Variants in MPP7 observed in about 807,000 individuals in gnomAD.
The protein encoded by MPP7 is MAGUK p55 scaffold protein 7, also known as MAGUK p55 subfamily member 7.
Under a neutral mutation model 76.5 loss-of-function variants are expected in MPP7, and 60 were observed. The ratio of observed to expected loss-of-function variants is 0.78; its 90% CI spans 0.64 to 0.97. MPP7 has a LOEUF of 0.97. MPP7 is among the 50% of genes least tolerant of loss of function. MPP7 has a pLI of 0.00. For missense variants in MPP7, 641 were observed against 694.0 expected (o/e 0.92, Z 0.86); for synonymous variants, 237 against 244.5 (o/e 0.97, Z 0.29).
chr10:28,199,181 C>A (rs559678516), intron 3 of MPP7, among the ~76,000 whole-genome samples: 23 of 152,184 alleles, frequency 1.5e-4, no homozygotes, highest in African/African-American at 5.5e-4. Flanking sequence ...AACCACCCCC[C>A]ACGATTCGAT....
upstream of MPP7, among the ~76,000 whole-genome samples, chr10:28,304,361 G>A (rs75003818): frequency 3.5e-4 from 53 of 152,198 alleles, 1 homozygote; most frequent in East Asian, 9.1e-3. Flanking sequence ...CAGCAACTCC[G>A]TGAATTACGT....
At chr10:28,133,132 T>C (rs1332398589) in intron 5 of MPP7, among the ~76,000 whole-genome samples, 1 of 152,232 alleles carries the variant, frequency 6.6e-6, no homozygotes, top group East Asian at 1.9e-4. Context: ...GTCTAGATTA[T>C]GGATGCCATC....
At chr10:28,195,917 T>C (rs760404988) in intron 3 of MPP7, among the ~76,000 whole-genome samples, 1 of 152,212 alleles carries the variant, frequency 6.6e-6, no homozygotes, top group African/African-American at 2.4e-5. Flanking sequence ...TTGTATGTTT[T>C]AAGTGGGTGA....
At chr10:28,297,779 C>A (rs1232085690) in intron 1 of MPP7, among the ~76,000 whole-genome samples, 1 of 152,200 alleles carries the variant, frequency 6.6e-6, no homozygotes, top group Non-Finnish European at 1.5e-5. Context: ...AGCATTTCAC[C>A]CACAGTAGAA....
Position 28,202,231 on chromosome 10 carries a change from C to T in MPP7, c.78G>A (p.Gln26=). Residue 26 remains glutamine, a synonymous_variant, in exon 3 of 17, where the codon CAG becomes CAA. Transcript: ENST00000683449. The part of the protein sequence containing the change: ...ELLAALPAQL[Q]PHVDSQEDLT... ...GGTCTTCCTGGCTATCCACATGTGGCTGCAGCTGGGCTGGCAGAGCAGCCA... is the reference window on the plus strand; with the variant it reads ...GGTCTTCCTGGCTATCCACATGTGGTTGCAGCTGGGCTGGCAGAGCAGCCA... 1 of 1,613,786 alleles carries T rather than the reference C, an allele frequency of 6.2e-7. No individual in the cohort carries two copies. The highest frequency in any genetic ancestry group is 2.2e-5 in the East Asian group (1 of 44,856).
At chr10:28,247,182 T>C (rs374213281) in intron 1 of MPP7, among the ~76,000 whole-genome samples, 6 of 152,218 alleles carry the variant, frequency 3.9e-5, no homozygotes, top group Non-Finnish European at 7.3e-5. Flanking sequence ...CAAAAATTTG[T>C]GGGCTACTAG....
chr10:28,151,911 G>C (rs961395587), intron 3 of MPP7, among the ~76,000 whole-genome samples: 2 of 152,166 alleles, frequency 1.3e-5, no homozygotes, highest in Non-Finnish European at 1.5e-5. Context: ...GCATAGAAAG[G>C]AAGGCTGGAA....
At chr10:28,079,956 T>C (rs916789648) in intron 12 of MPP7, among the ~76,000 whole-genome samples, 2 of 150,532 alleles carry the variant, frequency 1.3e-5, no homozygotes, top group Non-Finnish European at 2.9e-5. Flanking sequence ...ACTCCATCTC[T>C]ACTAAAAATT....
chr10:28,101,459 G>A (rs867353012), intron 11 of MPP7, among the ~76,000 whole-genome samples: 13 of 152,136 alleles, frequency 8.5e-5, no homozygotes, highest in Non-Finnish European at 1.6e-4. Context: ...ACACCTAGGA[G>A]TAGATGTGGG....
intron 1 of MPP7, among the ~76,000 whole-genome samples, chr10:28,331,060 C>T (rs987058615): frequency 6.6e-6 from 1 of 152,194 alleles, no homozygotes; most frequent in Non-Finnish European, 1.5e-5. Flanking sequence ...TTACCATCTA[C>T]CCCACTAGAA....
At chr10:28,165,588 A>G (rs902285777) in intron 3 of MPP7, among the ~76,000 whole-genome samples, 1 of 151,972 alleles carries the variant, frequency 6.6e-6, no homozygotes, top group Admixed American at 6.6e-5. Flanking sequence ...GGACCAGATG[A>G]CTTTAGCCTC....
chr10:28,305,616 CTGAAACA>C (rs1841249352), upstream of MPP7: 2 of 152,220 alleles, frequency 1.3e-5, no homozygotes, highest in Admixed American at 1.3e-4. Flanking sequence ...GAGGAATAAG[CTGAAACA>C]TCAGTAGGAG....
intron 12 of MPP7, among the ~76,000 whole-genome samples, chr10:28,083,054 G>C (rs1181500211): frequency 6.6e-6 from 1 of 152,146 alleles, no homozygotes; most frequent in Non-Finnish European, 1.5e-5. Context: ...AATTTGAATT[G>C]TTCCCGTGTC....
chr10:28,324,067 A>T (rs981106209), intron 2 of MPP7, among the ~76,000 whole-genome samples: 17 of 152,172 alleles, frequency 1.1e-4, no homozygotes, highest in African/African-American at 3.9e-4. Flanking sequence ...AATAGCTGTG[A>T]CGGTCTGTCT....
intron 12 of MPP7, among the ~76,000 whole-genome samples, chr10:28,075,744 C>T (rs1852454860): frequency 6.6e-6 from 1 of 152,152 alleles, no homozygotes; most frequent in African/African-American, 2.4e-5. Flanking sequence ...TGACACTTTA[C>T]ATTTGGGTTA....
chr10:28,083,828 G>A (rs774752474), intron 12 of MPP7, among the ~76,000 whole-genome samples: 4 of 152,122 alleles, frequency 2.6e-5, no homozygotes, highest in Non-Finnish European at 4.4e-5. Flanking sequence ...ATCAGCCACC[G>A]CACCTGGCCT....
chr10:28,143,302 T>C (rs973049276), intron 5 of MPP7, among the ~76,000 whole-genome samples: 6 of 152,224 alleles, frequency 3.9e-5, no homozygotes, highest in Non-Finnish European at 7.3e-5. Flanking sequence ...GCATCCGCAC[T>C]AATAAAGCAA....
intron 5 of MPP7, among the ~76,000 whole-genome samples, chr10:28,138,946 A>G (rs1835428641): frequency 6.6e-6 from 1 of 152,248 alleles, no homozygotes; most frequent in Non-Finnish European, 1.5e-5. Context: ...AAAGATAAGA[A>G]GACCATCCTG....
intron 16 of MPP7, 98 bp downstream of exon 16, chr10:28,056,382 C>G (rs973966864): frequency 9.3e-6 from 12 of 1,294,552 alleles, no homozygotes; most frequent in Non-Finnish European, 1.2e-5. Context: ...TGGTCTTGAA[C>G]TCCTGGACTC....
Sources: gnomAD v4.1 joint callset for allele counts (sites outside exome capture counted in the v4.1 genomes callset) on GRCh38, gnomAD v4.1.1 for gene constraint, MANE v1.5 for transcripts, NCBI Gene and HGNC (gene_info 2026-07-23, HGNC 2026-07-21) for gene names.